The following DENND11 variants were observed in gnomAD, a reference collection of about 807,000 sequenced individuals.
The protein encoded by DENND11 is DENN domain containing 11, also known as DENN domain-containing protein 11.
DENND11 carries 34 observed loss-of-function variants against 49.2 expected under a neutral mutation model. That is an observed-to-expected ratio of 0.69 (90% CI 0.53 to 0.92). The LOEUF (loss-of-function observed/expected upper bound fraction) is 0.92, where lower values mean the gene tolerates loss of function less well. Ranked by LOEUF, DENND11 falls within the 40% of genes least tolerant of loss-of-function variation. DENND11 has a pLI of 0.00. For missense variants in DENND11, 475 were observed against 581.6 expected (o/e 0.82, Z 1.88); for synonymous variants, 238 against 230.3 (o/e 1.03, Z -0.30).
At chr7:141,683,726 T>C (rs1798185739) in intron 3 of DENND11, among the ~76,000 whole-genome samples, 1 of 152,112 alleles carries the variant, frequency 6.6e-6, no homozygotes, top group Admixed American at 6.6e-5. Context: ...ACTCTATAGG[T>C]ATCTGGATGG....
chr7:141,687,886 A>G (rs995858200), intron 1 of DENND11, among the ~76,000 whole-genome samples: 1 of 151,948 alleles, frequency 6.6e-6, no homozygotes, highest in Admixed American at 6.6e-5. Context: ...CGCCCACCTC[A>G]GCCTCCCAAA....
rs187736742 is a variant in DENND11, at chr7:141,681,064, A to G, written c.527+4414T>C. 1.4e-3 allele frequency among the ~76,000 whole-genome samples: 220 copies of G among 152,334 alleles called. 1 individual carries two copies. Among genetic ancestry groups the G allele is most frequent in the Non-Finnish European group, 1.9e-3 (129 of 68,022 alleles). On this transcript the variant is annotated intron_variant, in intron 3 of 8. Coordinates refer to ENST00000536163, the MANE Select transcript of DENND11 (RefSeq NM_001080392.2). ...AGGGGAGGGTGGTGAGAAAATAGATATTGCAGACTAGAAAGCTGGCAACCC... is the reference window on the plus strand; with the variant it reads ...AGGGGAGGGTGGTGAGAAAATAGATGTTGCAGACTAGAAAGCTGGCAACCC...
intron 4 of DENND11, among the ~76,000 whole-genome samples, chr7:141,670,805 CT>C (rs1562997100): frequency 6.6e-6 from 1 of 152,186 alleles, no homozygotes; most frequent in Non-Finnish European, 1.5e-5. Flanking sequence ...TTACAATAGG[CT>C]TATGGGGGTG....
At chr7:141,681,978 C>T (rs1188847420) in intron 3 of DENND11, among the ~76,000 whole-genome samples, 1 of 152,198 alleles carries the variant, frequency 6.6e-6, no homozygotes, top group African/African-American at 2.4e-5. Flanking sequence ...TCTTGCTCAG[C>T]AGAATTTCAC....
chr7:141,685,584 C>G lies in DENND11; in HGVS notation c.421G>C (p.Val141Leu). ...GCGCCACGTTCCAGCTCGCTCTCCACGGGCATGTTGGCAAAGCAGGCCAGG... is the reference window on the plus strand; with the variant it reads ...GCGCCACGTTCCAGCTCGCTCTCCAGGGGCATGTTGGCAAAGCAGGCCAGG... ...FGLACFANMP[V>L]ESELERGARM... The change falls in exon 3 of 9, where the codon GTG becomes CTG. Residue 141 changes from valine to leucine, a missense_variant. Coordinates refer to ENST00000536163, the MANE Select transcript of DENND11 (RefSeq NM_001080392.2). The G allele has an allele frequency of 3.1e-6, 5 of 1,613,980 alleles. No individual in the cohort carries two copies. The highest frequency in any genetic ancestry group is 4.2e-6 in the Non-Finnish European group (5 of 1,179,892).
intron 4 of DENND11, among the ~76,000 whole-genome samples, chr7:141,673,774 T>C (rs1798020935): frequency 6.6e-6 from 1 of 152,352 alleles, no homozygotes; most frequent in South Asian, 2.1e-4. Flanking sequence ...TTCAAATGTC[T>C]AGTGTTAAAA....
intron 1 of DENND11, among the ~76,000 whole-genome samples, chr7:141,690,708 C>T (rs1471120689): frequency 6.6e-6 from 1 of 152,172 alleles, no homozygotes; most frequent in Non-Finnish European, 1.5e-5. Context: ...TAGTATTTCC[C>T]AAGCTTAGGT....
At chr7:141,688,655 G>A (rs1041406681) in intron 1 of DENND11, among the ~76,000 whole-genome samples, 4 of 152,142 alleles carry the variant, frequency 2.6e-5, no homozygotes, top group Non-Finnish European at 5.9e-5. Context: ...GTTCCCCCAC[G>A]CTTTCCTATA....
In DENND11 at chr7:141,700,476, T is replaced by TCA. The variant is rs1563007383; in HGVS notation, c.268+1409_268+1410insTG. 6.6e-3 allele frequency among the ~76,000 whole-genome samples: 923 copies of TCA among 140,216 alleles called. 10 individuals carry two copies. The highest frequency in any genetic ancestry group is 0.021 in the African/African-American group (776 of 37,668). 92.0% of individuals were successfully genotyped at this position (140,216 alleles called of 152,430 possible). ...CTAGGCGACAGAGTGAGACACTGTC[T>TCA]GAAAAAAAAAAAAAAGAGAGAGAAA... On this transcript the variant is annotated intron_variant, in intron 1 of 8. Coordinates refer to ENST00000536163, the MANE Select transcript of DENND11 (RefSeq NM_001080392.2).
intron 3 of DENND11, among the ~76,000 whole-genome samples, chr7:141,682,069 A>C (rs1464965391): frequency 1.3e-5 from 2 of 152,002 alleles, no homozygotes; most frequent in Non-Finnish European, 2.9e-5. Context: ...TTCCTACTTT[A>C]CCTCCTATAT....
In DENND11 at chr7:141,665,008, G is replaced by C; in HGVS notation, c.999C>G (p.Val333=). 2 of 1,613,950 alleles carry C rather than the reference G, an allele frequency of 1.2e-6. No homozygotes were observed. The highest frequency in any genetic ancestry group is 1.7e-6 in the Non-Finnish European group (2 of 1,179,884). The change falls in exon 7 of 9, where the codon GTC becomes GTG. Residue 333 remains valine, a synonymous_variant. Transcript: ENST00000536163. ...IFEEKRELYD[V]YVDNQNVKTH... ...TCTTCACATTCTGGTTATCCACGTA[G>C]ACGTCATACAGCTCCCGCTTCTCCT... is the stretch of plus-strand genomic sequence containing the variant.
At position 141,661,176 on chromosome 7, in the gene DENND11, G is replaced by A. The variant is rs1240969250; in HGVS notation, c.*1480C>T. On this transcript the variant is annotated 3_prime_UTR_variant, in exon 9 of 9. Coordinates refer to ENST00000536163, the MANE Select transcript of DENND11 (RefSeq NM_001080392.2). ...TTAGTCTGGCTGGGTGTTGGTCACA[G>A]ACATGGATGCACTGACGGCTATTCC... The A allele has an allele frequency of 6.6e-6, 1 of 152,208 alleles. No homozygotes were observed. The highest frequency in any genetic ancestry group is 1.5e-5 in the Non-Finnish European group (1 of 68,042). The allele number at this position is 152,208 out of a possible 1,614,324, so 9.4% of individuals were successfully genotyped here.
intron 1 of DENND11, 81 bp from the exon 2 acceptor site, chr7:141,686,739 G>T: frequency 1.1e-6 from 1 of 931,332 alleles, no homozygotes; most frequent in Non-Finnish European, 1.7e-6. Flanking sequence ...AGCACACATG[G>T]CTTTTCAATA....
intron 4 of DENND11, 66 bp from the exon 5 acceptor site, chr7:141,666,491 A>C (rs926834540): frequency 7.0e-7 from 1 of 1,425,446 alleles, no homozygotes; most frequent in Non-Finnish European, 9.4e-7. Flanking sequence ...ATATAGCAAA[A>C]GGTATCTAAT....
intron 3 of DENND11, among the ~76,000 whole-genome samples, chr7:141,682,354 A>G (rs1201569521): frequency 6.6e-6 from 1 of 152,202 alleles, no homozygotes; most frequent in African/African-American, 2.4e-5. Context: ...CTCAAAGTCA[A>G]GTCTTCCCTT....
At chr7:141,683,219 A>T (rs1243239652) in intron 3 of DENND11, among the ~76,000 whole-genome samples, 1 of 152,216 alleles carries the variant, frequency 6.6e-6, no homozygotes. Flanking sequence ...GAGAAGAAAA[A>T]AACAGAATGC....
chr7:141,681,818 T>C (rs779247127), intron 3 of DENND11, among the ~76,000 whole-genome samples: 2 of 152,158 alleles, frequency 1.3e-5, no homozygotes, highest in Non-Finnish European at 2.9e-5. Context: ...AAGAAAGGCA[T>C]GTTCTCCAAT....
rs370498224 is a variant in DENND11 at position 141,668,585 on chromosome 7, AAACAAACAAACAAAC to A, written c.682-2175_682-2161del. Among the ~76,000 whole-genome samples, 539 of 148,764 alleles carry A rather than the reference AAACAAACAAACAAAC, an allele frequency of 3.6e-3. 2 individuals are homozygous for A. The highest frequency in any genetic ancestry group is 0.013 in the African/African-American group (515 of 41,198). On this transcript the variant is annotated intron_variant, in intron 4 of 8. Coordinates refer to ENST00000536163, the MANE Select transcript of DENND11 (RefSeq NM_001080392.2). ...TGGGCAACAATGCGAGACTGTCTCAAAACAAACAAACAAACAACAAACAAAAACAGATGAATCTGA... is the reference window on the plus strand; with the variant it reads ...TGGGCAACAATGCGAGACTGTCTCAAAACAAACAAAAACAGATGAATCTGA...
At position 141,662,740 on chromosome 7, in the gene DENND11, T is replaced by C; in HGVS notation, c.1284A>G (p.Gln428=). The C allele has an allele frequency of 6.2e-7, 1 of 1,612,114 alleles. No homozygotes were observed. Among genetic ancestry groups the C allele is most frequent in the Non-Finnish European group, 8.5e-7 (1 of 1,179,212 alleles). ...EHARGMGLDP[Q]GDRSFLLDLL... is the part of the protein sequence containing the mutation. Reference sequence around the variant, plus strand: ...GGTCCAGGAGAAAGCTCCGGTCTCCTTGGGGGTCTAGGCCCATGCCCCGGG... The same window carrying C: ...GGTCCAGGAGAAAGCTCCGGTCTCCCTGGGGGTCTAGGCCCATGCCCCGGG... The change falls in exon 9 of 9, where the codon CAA becomes CAG. Residue 428 remains glutamine (Q), a synonymous_variant. Transcript: ENST00000536163.
Sources: allele counts gnomAD v4.1 joint callset (sites outside exome capture counted in the v4.1 genomes callset), GRCh38; gene constraint gnomAD v4.1.1; transcripts MANE v1.5; gene names NCBI Gene and HGNC (gene_info 2026-07-23, HGNC 2026-07-21).